Variants in SLC35D2 observed in about 807,000 individuals in gnomAD.
SLC35D2 encodes the protein solute carrier family 35 member D2.
SLC35D2 carries 43 observed loss-of-function variants against 41.8 expected under a neutral mutation model. That is an observed-to-expected ratio of 1.03 (90% CI 0.81 to 1.33). The LOEUF (loss-of-function observed/expected upper bound fraction) is 1.33, where lower values mean the gene tolerates loss of function less well. SLC35D2 is among the 40% of genes most tolerant of loss of function. The pLI is 0.00. For synonymous variants in SLC35D2, 150 were observed against 163.9 expected (o/e 0.92, Z 0.65); for missense variants, 380 against 408.4 (o/e 0.93, Z 0.60).
chr9:96,365,949 G>A (rs1830455838), intron 2 of SLC35D2, among the ~76,000 whole-genome samples: 1 of 152,098 alleles, frequency 6.6e-6, no homozygotes, highest in Non-Finnish European at 1.5e-5. Context: ...ATGTAATTAA[G>A]CCCATCCTGA....
At chr9:96,326,300 A>G (rs1308245029) in intron 9 of SLC35D2, among the ~76,000 whole-genome samples, 3 of 152,208 alleles carry the variant, frequency 2.0e-5, no homozygotes, top group Non-Finnish European at 4.4e-5. Context: ...CCATTTGTAA[A>G]AACAGTTGAA....
At chr9:96,355,339 A>C (rs926553563) in intron 4 of SLC35D2, among the ~76,000 whole-genome samples, 12 of 151,706 alleles carry the variant, frequency 7.9e-5, no homozygotes, top group African/African-American at 2.9e-4. Flanking sequence ...TATGTTTTTT[A>C]AATTCACAGT....
chr9:96,345,329 T>G lies in SLC35D2; in HGVS notation c.561A>C (p.Gly187=). 6.2e-7 allele frequency: 1 copy of G among 1,611,222 alleles called. No homozygotes were observed. The highest frequency in any genetic ancestry group is 1.1e-5 in the South Asian group (1 of 90,754). The change falls in exon 7 of 12, where the codon GGA becomes GGC. Residue 187 remains glycine, a synonymous_variant. Transcript: ENST00000253270. ...FLNDIFTAAN[G]VYTKQKMDPK... ...GGTCCATTTTCTGTTTGGTATAAAC[T>G]CCATTTGCTGCTGTGAAGATATCAT...
chr9:96,365,904 C>A (rs755503534), intron 2 of SLC35D2, among the ~76,000 whole-genome samples: 4 of 151,956 alleles, frequency 2.6e-5, no homozygotes, highest in Non-Finnish European at 5.9e-5. Context: ...ATACCTTGCT[C>A]CTGAGTTTAC....
chr9:96,354,211 C>T (rs1233824953), intron 4 of SLC35D2, among the ~76,000 whole-genome samples: 1 of 152,150 alleles, frequency 6.6e-6, no homozygotes, highest in African/African-American at 2.4e-5. Flanking sequence ...GGAACAAGAC[C>T]AGGATGTTCA....
chr9:96,365,266 C>T (rs973574572), intron 2 of SLC35D2, among the ~76,000 whole-genome samples: 6 of 151,884 alleles, frequency 4.0e-5, no homozygotes, highest in Non-Finnish European at 8.8e-5. Context: ...AGGAGGACCA[C>T]CTGAGCCCGG....
rs997356755 is a variant in SLC35D2 at position 96,374,606 on chromosome 9, G to A, written c.159-6301C>T. ...TCCCAGCACTTTGGGAGGACGAGGC[G>A]GGTGGATCACGAGATCAGGAGATGG... On this transcript the variant is annotated intron_variant, in intron 1 of 11. Transcript: ENST00000253270. Among the ~76,000 whole-genome samples, 6 of 151,342 alleles carry A rather than the reference G, an allele frequency of 4.0e-5. No individual in the cohort carries two copies. In the South Asian group the frequency reaches 6.3e-4, roughly 16 times the overall value.
At chr9:96,374,318 G>A (rs979852665) in intron 1 of SLC35D2, among the ~76,000 whole-genome samples, 2 of 152,080 alleles carry the variant, frequency 1.3e-5, no homozygotes, top group Non-Finnish European at 2.9e-5. Context: ...GGCGAATCAC[G>A]AGGTCAAGAG....
chr9:96,340,916 A>G (rs925314813), intron 8 of SLC35D2, among the ~76,000 whole-genome samples: 1 of 152,204 alleles, frequency 6.6e-6, no homozygotes, highest in African/African-American at 2.4e-5. Context: ...GAGGCTAAAC[A>G]GGGTAAATAT....
chr9:96,317,617 A>AG (rs1828085100), downstream of SLC35D2, among the ~76,000 whole-genome samples: 1 of 152,202 alleles, frequency 6.6e-6, no homozygotes, highest in Non-Finnish European at 1.5e-5. Flanking sequence ...TAAAAATTAA[A>AG]GATTTTTTTA....
At position 96,383,702 on chromosome 9, in the gene SLC35D2, C is replaced by A; in HGVS notation, c.-68G>T. On this transcript the variant is annotated 5_prime_UTR_variant, in exon 1 of 12. Transcript: ENST00000253270. Reference sequence around the variant, plus strand: ...GCGCACTGGTCCCGCCCGGCCGGGCCGGGGAAGAGGGCGCGGCAGGAACAG... The same window carrying A: ...GCGCACTGGTCCCGCCCGGCCGGGCAGGGGAAGAGGGCGCGGCAGGAACAG... 1 of 931,770 alleles carries A rather than the reference C, an allele frequency of 1.1e-6. No individual in the cohort carries two copies. The highest frequency in any genetic ancestry group is 1.3e-6 in the Non-Finnish European group (1 of 779,612). The allele number at this position is 931,770 out of a possible 1,614,324, so 57.7% of individuals were successfully genotyped here.
intron 8 of SLC35D2, among the ~76,000 whole-genome samples, chr9:96,340,382 G>T (rs865921059): frequency 2.0e-5 from 3 of 151,956 alleles, no homozygotes. Context: ...ATTTTGGAAG[G>T]CCGAGGCGGG....
intron 8 of SLC35D2, among the ~76,000 whole-genome samples, chr9:96,340,826 T>G (rs1829292125): frequency 6.6e-6 from 1 of 152,050 alleles, no homozygotes. Flanking sequence ...TGATTAGCAG[T>G]CACTCTGGCG....
chr9:96,319,334 C>T (rs1828132837), downstream of SLC35D2, among the ~76,000 whole-genome samples: 1 of 151,890 alleles, frequency 6.6e-6, no homozygotes, highest in South Asian at 2.1e-4. Context: ...TTGCCAGGGG[C>T]CGGAGGGATG....
intron 4 of SLC35D2, 85 bp from the exon 5 acceptor site, chr9:96,352,194 GCTTA>G (rs1829840613): frequency 1.2e-5 from 10 of 802,250 alleles, no homozygotes; most frequent in Non-Finnish European, 2.0e-5. Context: ...TTTTAATTAA[GCTTA>G]CTAATTTTCC....
At chr9:96,322,385 G>C (rs188740255) in intron 10 of SLC35D2, among the ~76,000 whole-genome samples, 144 of 152,174 alleles carry the variant, frequency 9.5e-4, no homozygotes, top group African/African-American at 3.2e-3. Flanking sequence ...GCCGGGCATG[G>C]TGGCACATGC....
chr9:96,368,030 A>T (rs971816244), intron 2 of SLC35D2, among the ~76,000 whole-genome samples: 1 of 152,198 alleles, frequency 6.6e-6, no homozygotes, highest in Non-Finnish European at 1.5e-5. Context: ...AGAGTAATTA[A>T]ATTCAGTTAA....
chr9:96,349,863 G>A (rs1829738352), intron 6 of SLC35D2, among the ~76,000 whole-genome samples: 1 of 152,070 alleles, frequency 6.6e-6, no homozygotes, highest in African/African-American at 2.4e-5. Context: ...GAGAGTAGAA[G>A]GGGAAGCTGT....
At chr9:96,382,744 C>T (rs1042752956) in intron 1 of SLC35D2, among the ~76,000 whole-genome samples, 24 of 152,222 alleles carry the variant, frequency 1.6e-4, no homozygotes, top group African/African-American at 5.5e-4. Context: ...GTAGAGTTTA[C>T]AAAGAGCCTT....
Sources: gnomAD v4.1 joint callset for allele counts (sites outside exome capture counted in the v4.1 genomes callset) on GRCh38, gnomAD v4.1.1 for gene constraint, MANE v1.5 for transcripts, NCBI Gene and HGNC (gene_info 2026-07-23, HGNC 2026-07-21) for gene names.